GRIP2: variants seen among roughly 807,000 people sequenced by gnomAD.
GRIP2 encodes glutamate receptor-interacting protein 2.
A neutral mutation model predicts 108.3 loss-of-function variants in GRIP2; 58 were observed. The observed-to-expected ratio is 0.54, with a 90% CI of 0.43 to 0.67. GRIP2 has a LOEUF of 0.67. Ranked by LOEUF, GRIP2 falls within the 30% of genes least tolerant of loss-of-function variation. The pLI is 0.00. For synonymous variants in GRIP2, 586 were observed against 598.2 expected (o/e 0.98, Z 0.30); for missense variants, 1,278 against 1,430.6 (o/e 0.89, Z 1.72).
At chr3:14,557,337 G>C (rs967084288), upstream of GRIP2, among the ~76,000 whole-genome samples, 1 of 152,168 alleles carries the variant, frequency 6.6e-6, no homozygotes, top group Non-Finnish European at 1.5e-5. Context: ...TCTCCTTTCG[G>C]CTCTTCCACA....
upstream of GRIP2, among the ~76,000 whole-genome samples, chr3:14,546,284 C>T (rs1017329867): frequency 2.6e-5 from 4 of 152,086 alleles, no homozygotes; most frequent in Admixed American, 6.5e-5. Context: ...GAGACAAGGT[C>T]GGCCGAGGCC....
At chr3:14,556,861 G>C (rs1208720462), upstream of GRIP2, among the ~76,000 whole-genome samples, 1 of 152,216 alleles carries the variant, frequency 6.6e-6, no homozygotes, top group African/African-American at 2.4e-5. Context: ...CTTGCTTATG[G>C]TCACAGAGCA....
chr3:14,523,767 C>T (rs1278331347), intron 4 of GRIP2, 69 bp from the exon 5 acceptor site: 10 of 1,047,624 alleles, frequency 9.5e-6, no homozygotes, highest in East Asian at 2.5e-5. Context: ...GTGCCCAAAG[C>T]TCATTCCAGG....
At chr3:14,584,672 G>C in the GRIP2 span, among the ~76,000 whole-genome samples, 11 of 152,164 alleles carry the variant, frequency 7.2e-5, no homozygotes, top group African/African-American at 2.7e-4. Flanking sequence ...CCCAGAGAGG[G>C]GCCATAACTT....
the GRIP2 span, among the ~76,000 whole-genome samples, chr3:14,590,101 G>A: frequency 0.24 from 36,837 of 151,998 alleles, 4,553 homozygotes; most frequent in East Asian, 0.35. Context: ...TAAACACCAC[G>A]AATTTTAAAA....
the GRIP2 span, among the ~76,000 whole-genome samples, chr3:14,589,779 C>CTT: frequency 0.28 from 32,982 of 118,870 alleles, 5,166 homozygotes; most frequent in East Asian, 0.35. Flanking sequence ...ACAGACTACA[C>CTT]TTTTTTTTTT....
intron 11 of GRIP2, among the ~76,000 whole-genome samples, chr3:14,514,751 G>A (rs2124899233): frequency 6.6e-6 from 1 of 152,342 alleles, no homozygotes; most frequent in African/African-American, 2.4e-5. Context: ...CAGGTTCTGG[G>A]GGGCAGTGTC....
chr3:14,574,277 G>C, the GRIP2 span: 1 of 942,636 alleles, frequency 1.1e-6, no homozygotes, highest in Non-Finnish European at 1.7e-6. Context: ...AGGTGTGGTT[G>C]TTGAGCCGTC....
chr3:14,503,728 G>A (rs1693834790), intron 20 of GRIP2, 57 bp from the exon 21 acceptor site: 1 of 448,122 alleles, frequency 2.2e-6, no homozygotes, highest in Non-Finnish European at 4.4e-6. Context: ...GCGGGCTGGG[G>A]CCTGAGGAGT....
the GRIP2 span, among the ~76,000 whole-genome samples, chr3:14,572,168 G>A: frequency 6.6e-5 from 10 of 152,056 alleles, no homozygotes; most frequent in East Asian, 3.8e-4. Context: ...TCACAGCAGC[G>A]TTTTCCATAA....
chr3:14,555,818 G>C (rs912897276), intron 1 of GRIP2: 13 of 399,416 alleles, frequency 3.3e-5, no homozygotes, highest in African/African-American at 2.5e-4. Context: ...GACGGGGAGG[G>C]AGAGCAGGGG....
chr3:14,507,037 G>A lies in GRIP2; in HGVS notation c.2219-57C>T. On this transcript the variant is annotated intron_variant, in intron 18 of 23. Coordinates refer to ENST00000621039, the MANE Select transcript of GRIP2 (RefSeq NM_001080423.4). This position sits in a 1 kb window ranked among gnomAD's most constrained non-coding sequence, Gnocchi z 4.6. ...TCAGAGACACTCACAGTGAGCCTCAGTTTCTGCATTTCAGCCTGGTCTGGA... is the reference window on the plus strand; with the variant it reads ...TCAGAGACACTCACAGTGAGCCTCAATTTCTGCATTTCAGCCTGGTCTGGA... 2 of 1,479,554 alleles carry A rather than the reference G, an allele frequency of 1.4e-6. No homozygotes were observed. Among genetic ancestry groups the A allele is most frequent in the South Asian group, 2.6e-5 (2 of 76,462 alleles). 91.7% of individuals were successfully genotyped at this position (1,479,554 alleles called of 1,614,324 possible). A position where few individuals can be genotyped will look rare whatever the true frequency, so the allele number is the denominator to read the frequency against.
At chr3:14,571,555 C>T in the GRIP2 span, among the ~76,000 whole-genome samples, 4 of 152,114 alleles carry the variant, frequency 2.6e-5, no homozygotes, top group Admixed American at 1.3e-4. Flanking sequence ...CCAATGCTCC[C>T]GACAGAGAAG....
chr3:14,600,921 T>A, the GRIP2 span, among the ~76,000 whole-genome samples: 1 of 152,166 alleles, frequency 6.6e-6, no homozygotes, highest in Non-Finnish European at 1.5e-5. Flanking sequence ...AAGAGATGTG[T>A]TCAGTGTGGG....
chr3:14,555,033 G>A (rs1375460450), intron 1 of GRIP2, among the ~76,000 whole-genome samples: 4 of 152,034 alleles, frequency 2.6e-5, no homozygotes, highest in African/African-American at 9.7e-5. Flanking sequence ...GGCAGCAAAG[G>A]TGAAGCCTGG....
At chr3:14,523,510 G>T in intron 5 of GRIP2, 102 bp downstream of exon 5, 1 of 795,570 alleles carries the variant, frequency 1.3e-6, no homozygotes, top group Non-Finnish European at 2.1e-6. Context: ...AGTCAGAACT[G>T]AGATACACAT....
In GRIP2 at chr3:14,522,759, C is replaced by CCAAACACCCCAACCCCTGAGA. The variant is rs1364423861; in HGVS notation, c.566+220_566+240dup. On this transcript the variant is annotated intron_variant, in intron 6 of 23. Transcript: ENST00000621039. The surrounding 1 kb of genome is among the most constrained non-coding windows in gnomAD (Gnocchi z 4.3). Reference sequence around the variant, plus strand: ...AGAACGACACCAAGGCTGCCCCTCTCCAAACACCCCAACCCCTGAGACAGC... The same window carrying CCAAACACCCCAACCCCTGAGA: ...AGAACGACACCAAGGCTGCCCCTCTCCAAACACCCCAACCCCTGAGACAAACACCCCAACCCCTGAGACAGC... 1 of 519,726 alleles carries CCAAACACCCCAACCCCTGAGA rather than the reference C, an allele frequency of 1.9e-6. No homozygotes were observed. Among genetic ancestry groups the CCAAACACCCCAACCCCTGAGA allele is most frequent in the African/African-American group, 2.0e-5 (1 of 50,612 alleles). The allele number at this position is 519,726 out of a possible 1,614,324, so 32.2% of individuals were successfully genotyped here. A position where few individuals can be genotyped will look rare whatever the true frequency, so the allele number is the denominator to read the frequency against.
the GRIP2 span, among the ~76,000 whole-genome samples, chr3:14,584,481 AG>A: frequency 6.6e-6 from 1 of 152,184 alleles, no homozygotes; most frequent in East Asian, 1.9e-4. Context: ...TTGGAGCCTC[AG>A]TTTCCTCCTC....
rs904883409 is a variant in GRIP2 at position 14,521,150 on chromosome 3, C to T, written c.712+492G>A. 6.1e-6 allele frequency: 1 copy of T among 164,890 alleles called. No individual in the cohort carries two copies. The highest frequency in any genetic ancestry group is 1.3e-5 in the Non-Finnish European group (1 of 76,072). 10.2% of individuals were successfully genotyped at this position (164,890 alleles called of 1,614,324 possible). ...CCTTACCTCCTTTCACTCACCTGTG[C>T]CAACCACGGCAGCCTCCTCACTGTG... On this transcript the variant is annotated intron_variant, in intron 7 of 23. Transcript: ENST00000621039. This position sits in a 1 kb window ranked among gnomAD's most constrained non-coding sequence, Gnocchi z 5.1.
Sources: gnomAD v4.1 joint callset for allele counts (sites outside exome capture counted in the v4.1 genomes callset) on GRCh38, gnomAD v4.1.1 for gene constraint, Gnocchi (gnomAD v3.1) non-coding constraint, MANE v1.5 for transcripts, NCBI Gene and HGNC (gene_info 2026-07-23, HGNC 2026-07-21) for gene names.